The following ROBO1 variants were observed in gnomAD, a reference collection of about 807,000 sequenced individuals.
ROBO1 encodes roundabout guidance receptor 1.
ROBO1 carries 149 observed loss-of-function variants against 195.9 expected under a neutral mutation model. The ratio of observed to expected loss-of-function variants is 0.76; its 90% CI spans 0.67 to 0.87. The LOEUF is 0.87. Ranked by LOEUF, ROBO1 falls within the 40% of genes least tolerant of loss-of-function variation. The pLI is 0.00. For synonymous variants in ROBO1, 816 were observed against 733.2 expected (o/e 1.11, Z -1.82); for missense variants, 1,933 against 2,068.3 (o/e 0.93, Z 1.27).
intron 4 of ROBO1, among the ~76,000 whole-genome samples, chr3:78,877,823 A>G (rs570419721): frequency 6.6e-6 from 1 of 152,336 alleles, no homozygotes; most frequent in Admixed American, 6.5e-5. Flanking sequence ...GCTGAGAAAA[A>G]TAAGAGCTGA....
chr3:79,135,557 G>C (rs1222935043), intron 2 of ROBO1, among the ~76,000 whole-genome samples: 1 of 151,994 alleles, frequency 6.6e-6, no homozygotes, highest in Non-Finnish European at 1.5e-5. Flanking sequence ...ATCTCTAAGT[G>C]ATATTCAAAT....
chr3:79,463,370 A>T (rs1468181282), intron 2 of ROBO1, among the ~76,000 whole-genome samples: 1 of 150,182 alleles, frequency 6.7e-6, no homozygotes, highest in Non-Finnish European at 1.5e-5. Context: ...GCAAGATTAC[A>T]TCTCAAAAAA....
intron 3 of ROBO1, among the ~76,000 whole-genome samples, chr3:79,026,371 C>T (rs565221817): frequency 1.5e-4 from 23 of 152,166 alleles, no homozygotes; most frequent in African/African-American, 5.1e-4. Context: ...AGATTCAGTT[C>T]TAGCTGAAGA....
intron 5 of ROBO1, among the ~76,000 whole-genome samples, chr3:78,739,310 C>A (rs1410096794): frequency 6.6e-6 from 1 of 151,946 alleles, no homozygotes; most frequent in Non-Finnish European, 1.5e-5. Flanking sequence ...TACAAAATTC[C>A]CCAGTCACTA....
chr3:79,277,334 CA>C (rs2031124173), intron 2 of ROBO1, among the ~76,000 whole-genome samples: 2 of 151,928 alleles, frequency 1.3e-5, no homozygotes, highest in Non-Finnish European at 2.9e-5. Context: ...GGATGGAACT[CA>C]AGGTCATTAT....
At chr3:79,389,260 A>C (rs1000224055) in intron 2 of ROBO1, among the ~76,000 whole-genome samples, 2 of 152,080 alleles carry the variant, frequency 1.3e-5, no homozygotes, top group Non-Finnish European at 2.9e-5. Context: ...TAAAGAAAAA[A>C]ATTATGTAAT....
intron 2 of ROBO1, among the ~76,000 whole-genome samples, chr3:79,159,670 T>C (rs903398129): frequency 2.6e-5 from 4 of 152,028 alleles, no homozygotes; most frequent in Non-Finnish European, 5.9e-5. Context: ...TCAATTTATG[T>C]CAAGTCCTTC....
chr3:78,886,243 G>A (rs781513979), intron 4 of ROBO1, among the ~76,000 whole-genome samples: 3 of 151,786 alleles, frequency 2.0e-5, no homozygotes, highest in Non-Finnish European at 4.4e-5. Flanking sequence ...CTTATACTTC[G>A]AGGCTTCTTA....
At chr3:78,788,154 C>T (rs2083900819) in intron 4 of ROBO1, among the ~76,000 whole-genome samples, 3 of 150,256 alleles carry the variant, frequency 2.0e-5, no homozygotes, top group South Asian at 2.1e-4. Context: ...CTGGCTCTGT[C>T]GCCCAGGCTG....
chr3:79,447,122 C>T (rs1032218858), intron 2 of ROBO1, among the ~76,000 whole-genome samples: 5 of 152,154 alleles, frequency 3.3e-5, no homozygotes. Context: ...AGCCACCATG[C>T]GCGGCCCAAA....
At chr3:78,753,021 G>A (rs1038963429) in intron 4 of ROBO1, among the ~76,000 whole-genome samples, 1 of 152,016 alleles carries the variant, frequency 6.6e-6, no homozygotes, top group Non-Finnish European at 1.5e-5. Flanking sequence ...CCTAGGAAAG[G>A]AGTACTTTTA....
intron 3 of ROBO1, among the ~76,000 whole-genome samples, chr3:79,100,519 TA>T (rs34342856): frequency 1.3e-5 from 2 of 151,570 alleles, no homozygotes; most frequent in East Asian, 2.0e-4. Context: ...GGGAATCAAT[TA>T]AAAAAAACTG....
chr3:79,081,525 C>T (rs2079274654), intron 3 of ROBO1, among the ~76,000 whole-genome samples: 1 of 152,180 alleles, frequency 6.6e-6, no homozygotes, highest in Admixed American at 6.6e-5. Flanking sequence ...TTAATCTCCA[C>T]ATTTGCCCTG....
intron 2 of ROBO1, among the ~76,000 whole-genome samples, chr3:79,321,231 T>C (rs1270371894): frequency 6.6e-6 from 1 of 152,166 alleles, no homozygotes; most frequent in Non-Finnish European, 1.5e-5. Context: ...AAAGTATTGC[T>C]AGTGTGTTTT....
chr3:79,135,848 G>T (rs2080398010), intron 2 of ROBO1, among the ~76,000 whole-genome samples: 1 of 152,100 alleles, frequency 6.6e-6, no homozygotes, highest in Non-Finnish European at 1.5e-5. Context: ...TGTTGGTCAG[G>T]CTGTTATCGA....
At chr3:79,177,458 AC>A (rs1165999854) in intron 2 of ROBO1, among the ~76,000 whole-genome samples, 1 of 151,870 alleles carries the variant, frequency 6.6e-6, no homozygotes, top group Non-Finnish European at 1.5e-5. Flanking sequence ...GGATGGGCGG[AC>A]CCTCCTACCC....
intron 3 of ROBO1, among the ~76,000 whole-genome samples, chr3:78,986,809 A>G (rs536347858): frequency 1.3e-5 from 2 of 152,214 alleles, no homozygotes; most frequent in East Asian, 3.9e-4. Flanking sequence ...TGCTATTCTA[A>G]ACACCCCTTA....
chr3:79,326,688 C>T (rs2034227635), intron 2 of ROBO1, among the ~76,000 whole-genome samples: 1 of 152,272 alleles, frequency 6.6e-6, no homozygotes, highest in South Asian at 2.1e-4. Context: ...TGTGGCCTCT[C>T]TGTCGGGGAC....
At chr3:79,321,312 A>T (rs2033972399) in intron 2 of ROBO1, among the ~76,000 whole-genome samples, 1 of 152,150 alleles carries the variant, frequency 6.6e-6, no homozygotes, top group Non-Finnish European at 1.5e-5. Context: ...TTATCTCTAA[A>T]ATGCCTAAGT....
Sources: allele counts gnomAD v4.1 joint callset (sites outside exome capture counted in the v4.1 genomes callset), GRCh38; gene constraint gnomAD v4.1.1; transcripts MANE v1.5; gene names NCBI Gene and HGNC (gene_info 2026-07-23, HGNC 2026-07-21).